CLDN10: variants seen among roughly 807,000 people sequenced by gnomAD.
The protein encoded by CLDN10 is claudin 10, also known as claudin-10.
A neutral mutation model predicts 22.9 loss-of-function variants in CLDN10; 15 were observed. The observed-to-expected ratio is 0.65, with a 90% CI of 0.44 to 1.01. The LOEUF (loss-of-function observed/expected upper bound fraction) is 1.01, where lower values mean the gene tolerates loss of function less well. CLDN10 is among the 50% of genes least tolerant of loss of function. The pLI is 0.00. For synonymous variants in CLDN10, 114 were observed against 111.4 expected, an observed-to-expected ratio of 1.02 and a Z score of -0.15; for missense variants, 247 against 287.8, an observed-to-expected ratio of 0.86 and a Z score of 1.03.
At chr13:95,544,803 C>T (rs1424129085) in intron 1 of CLDN10, among the ~76,000 whole-genome samples, 3 of 150,526 alleles carry the variant, frequency 2.0e-5, no homozygotes, top group Non-Finnish European at 4.4e-5. Flanking sequence ...TTGAGATGGA[C>T]TCTTGCTCTT....
intron 1 of CLDN10, among the ~76,000 whole-genome samples, chr13:95,523,274 C>T (rs2043241140): frequency 6.6e-6 from 1 of 152,120 alleles, no homozygotes; most frequent in Admixed American, 6.5e-5. Flanking sequence ...GGTATTATCA[C>T]TCTCACTCTG....
rs770906979 is a variant in CLDN10 at position 95,578,023 on chromosome 13, G to A, written c.*9G>A. ...AAAATGCTTATGTCTAAAAGAGCTC[G>A]CTGGCAAGCTGCCTCTTGAGTTTGT... is the stretch of plus-strand genomic sequence containing the variant. On this transcript the variant is annotated 3_prime_UTR_variant, in exon 5 of 5. Transcript: ENST00000299339. The A allele has an allele frequency of 2.9e-5, 44 of 1,516,618 alleles. No homozygotes were observed. The highest frequency in any genetic ancestry group is 3.4e-4 in the Middle Eastern group (2 of 5,880). 93.9% of individuals were successfully genotyped at this position (1,516,618 alleles called of 1,614,324 possible). A position where few individuals can be genotyped will look rare whatever the true frequency, so the allele number is the denominator to read the frequency against.
chr13:95,556,284 G>T (rs1160477297), intron 1 of CLDN10, among the ~76,000 whole-genome samples: 1 of 152,082 alleles, frequency 6.6e-6, no homozygotes, highest in Non-Finnish European at 1.5e-5. Flanking sequence ...GACCTCAAGT[G>T]ATCTGCCCGC....
At chr13:95,453,122 T>C (rs1236751658) in intron 1 of CLDN10, among the ~76,000 whole-genome samples, 2 of 152,222 alleles carry the variant, frequency 1.3e-5, no homozygotes, top group Admixed American at 1.3e-4. Context: ...TTATTGTCTG[T>C]ACTATACCAA....
chr13:95,465,658 C>T (rs116623506), intron 1 of CLDN10, among the ~76,000 whole-genome samples: 193 of 152,296 alleles, frequency 1.3e-3, no homozygotes, highest in African/African-American at 4.2e-3. Flanking sequence ...TTCTACACTC[C>T]TCTTAGATCT....
At chr13:95,484,949 G>C (rs1164394717) in intron 1 of CLDN10, among the ~76,000 whole-genome samples, 1 of 150,856 alleles carries the variant, frequency 6.6e-6, no homozygotes, top group Non-Finnish European at 1.5e-5. Flanking sequence ...GTTTGATTTA[G>C]TTTGCCTCCA....
intron 1 of CLDN10, among the ~76,000 whole-genome samples, chr13:95,511,440 CA>C (rs2138561127): frequency 6.6e-6 from 1 of 151,984 alleles, no homozygotes; most frequent in Admixed American, 6.5e-5. Context: ...ATTAACAGAA[CA>C]AGTGTTGAGA....
chr13:95,494,570 A>C (rs2042908326), intron 1 of CLDN10, among the ~76,000 whole-genome samples: 1 of 152,248 alleles, frequency 6.6e-6, no homozygotes, highest in Non-Finnish European at 1.5e-5. Flanking sequence ...AATTGAGGCC[A>C]GTTATGTTTA....
intron 1 of CLDN10, among the ~76,000 whole-genome samples, chr13:95,483,798 T>C (rs7139829): frequency 0.66 from 100,782 of 152,064 alleles, 34,296 homozygotes; most frequent in African/African-American, 0.83. Context: ...TCCCCAGGCA[T>C]GAGTGTGCTA....
At chr13:95,485,374 T>C (rs1022500903) in intron 1 of CLDN10, among the ~76,000 whole-genome samples, 1 of 152,192 alleles carries the variant, frequency 6.6e-6, no homozygotes, top group Admixed American at 6.5e-5. Flanking sequence ...TGAGCCTCTG[T>C]ACCCTGATTT....
intron 1 of CLDN10, among the ~76,000 whole-genome samples, chr13:95,518,720 C>T (rs2892733): frequency 0.86 from 131,053 of 151,880 alleles, 56,718 homozygotes; most frequent in East Asian, 0.96. Context: ...GATTGCACCA[C>T]TGCACTCCAG....
At chr13:95,447,635 C>T (rs1402781806) in intron 1 of CLDN10, among the ~76,000 whole-genome samples, 2 of 152,142 alleles carry the variant, frequency 1.3e-5, no homozygotes, top group South Asian at 2.1e-4. Context: ...GCTTCAGCTC[C>T]TTCACCAGGA....
chr13:95,442,475 T>A (rs17189672), intron 1 of CLDN10, among the ~76,000 whole-genome samples: 7,605 of 152,286 alleles, frequency 0.05, 214 homozygotes, highest in Non-Finnish European at 0.068. Flanking sequence ...CACTTAGGAT[T>A]TGCTATTTTG....
At chr13:95,480,372 G>A (rs1023125359) in intron 1 of CLDN10, among the ~76,000 whole-genome samples, 2 of 152,326 alleles carry the variant, frequency 1.3e-5, no homozygotes, top group South Asian at 2.1e-4. Flanking sequence ...TGTATTAGAG[G>A]AGAATGCCCT....
At chr13:95,551,735 C>A (rs533744495), upstream of CLDN10, among the ~76,000 whole-genome samples, 1 of 152,142 alleles carries the variant, frequency 6.6e-6, no homozygotes, top group African/African-American at 2.4e-5. Context: ...AAATAATAAC[C>A]CGTGTCCTTG....
At chr13:95,472,816 A>C (rs2042648880) in intron 1 of CLDN10, among the ~76,000 whole-genome samples, 1 of 151,988 alleles carries the variant, frequency 6.6e-6, no homozygotes, top group South Asian at 2.1e-4. Context: ...ACAGAGTTCC[A>C]CTTGGATGTC....
chr13:95,569,395 C>T (rs1274391277), intron 3 of CLDN10, among the ~76,000 whole-genome samples: 1 of 151,994 alleles, frequency 6.6e-6, no homozygotes. Context: ...GCCAGACTGG[C>T]CAACAAGGTG....
At chr13:95,457,520 A>G (rs771035084) in intron 1 of CLDN10, among the ~76,000 whole-genome samples, 70 of 152,146 alleles carry the variant, frequency 4.6e-4, no homozygotes, top group Admixed American at 1.3e-3. Context: ...TGAATCACAT[A>G]CTGATGTAGG....
At chr13:95,523,426 AAGTTTAC>A (rs1566315787) in intron 1 of CLDN10, among the ~76,000 whole-genome samples, 1 of 152,134 alleles carries the variant, frequency 6.6e-6, no homozygotes, top group Non-Finnish European at 1.5e-5. Context: ...TCATCCGTTT[AAGTTTAC>A]TCACACATTT....
Sources: gnomAD v4.1 joint callset for allele counts (sites outside exome capture counted in the v4.1 genomes callset) on GRCh38, gnomAD v4.1.1 for gene constraint, MANE v1.5 for transcripts, NCBI Gene and HGNC (gene_info 2026-07-23, HGNC 2026-07-21) for gene names.